IFT172: variants seen among roughly 807,000 people sequenced by gnomAD.
IFT172 encodes the protein intraflagellar transport protein 172 homolog.
Under a neutral mutation model 248.9 loss-of-function variants are expected in IFT172, and 164 were observed. The ratio of observed to expected loss-of-function variants is 0.66; its 90% CI spans 0.58 to 0.75. The LOEUF (loss-of-function observed/expected upper bound fraction) is 0.75. Among genes scored for constraint, IFT172 ranks in the 30% least tolerant of loss-of-function variants. The pLI, the probability that IFT172 is intolerant of heterozygous loss-of-function variation, is 0.00. For missense variants in IFT172, 1,950 were observed against 2,192.4 expected, an observed-to-expected ratio of 0.89 and a Z score of 2.21; for synonymous variants, 729 against 791.6, an observed-to-expected ratio of 0.92 and a Z score of 1.33.
intron 18 of IFT172, among the ~76,000 whole-genome samples, chr2:27,463,857 T>C (rs1037155694): frequency 2.0e-5 from 3 of 151,918 alleles, no homozygotes; most frequent in East Asian, 3.9e-4. Context: ...GCCAGTGTGG[T>C]TGGAGACTAA....
In IFT172 at chr2:27,484,392, C is replaced by G. The variant is rs890140309; in HGVS notation, c.297-126G>C. 5.0e-5 allele frequency: 45 copies of G among 898,718 alleles called. No homozygotes were observed. In the African/African-American group the frequency reaches 7.4e-4, roughly 15 times the overall value. 55.7% of individuals were successfully genotyped at this position (898,718 alleles called of 1,614,324 possible). On this transcript the variant is annotated intron_variant, in intron 3 of 47. Coordinates refer to ENST00000260570, the MANE Select transcript of IFT172 (RefSeq NM_015662.3). ...GGATCATGAGGTCAGGAGATCGAGACCATCCTGGCTAACACAGTGAAACCC... is the reference window on the plus strand; with the variant it reads ...GGATCATGAGGTCAGGAGATCGAGAGCATCCTGGCTAACACAGTGAAACCC...
intron 14 of IFT172, among the ~76,000 whole-genome samples, chr2:27,474,277 T>C (rs964536632): frequency 6.6e-6 from 1 of 152,178 alleles, no homozygotes; most frequent in African/African-American, 2.4e-5. Flanking sequence ...ATGTGAAATA[T>C]AATATTCATG....
At chr2:27,488,387 C>A (rs1263807891) in intron 1 of IFT172, among the ~76,000 whole-genome samples, 2 of 151,402 alleles carry the variant, frequency 1.3e-5, no homozygotes, top group Non-Finnish European at 2.9e-5. Flanking sequence ...CTCCTGACCT[C>A]AGGTGATCCG....
At chr2:27,484,882 A>G in intron 3 of IFT172, 136 bp downstream of exon 3, 1 of 652,354 alleles carries the variant, frequency 1.5e-6, no homozygotes, top group Non-Finnish European at 2.8e-6. Context: ...AAAAGCAAAA[A>G]CAGACTCCAG....
intron 19 of IFT172, 99 bp downstream of exon 19, chr2:27,462,998 G>A: frequency 7.1e-7 from 1 of 1,417,654 alleles, no homozygotes. Flanking sequence ...CAGGGTAAAG[G>A]AAACTGGGGA....
rs1572846688 is a variant in IFT172, at chr2:27,489,631, G to A, written c.23C>T (p.Thr8Ile). ...ATTCCTCACCTGAGGGCTCAGCAGG[G>A]TCCTCAGGTGCTTCAAGTGCATGAC... Reference protein sequence around the residue: MHLKHLRTLLSPQDGAAK... With the variant: MHLKHLRILLSPQDGAAK... The change falls in exon 1 of 48, where the codon ACC (threonine) becomes ATC (isoleucine). Residue 8 changes from threonine to isoleucine, a missense_variant. Physicochemically the swap from Thr to Ile is moderately conservative, Grantham distance 89. Transcript: ENST00000260570. 6.2e-7 allele frequency: 1 copy of A among 1,612,616 alleles called. No individual in the cohort carries two copies. The highest frequency in any genetic ancestry group is 1.3e-5 in the African/African-American group (1 of 74,900).
At chr2:27,472,452 G>A (rs1487706824) in intron 14 of IFT172, 90 bp from the exon 15 acceptor site, 4 of 965,410 alleles carry the variant, frequency 4.1e-6, no homozygotes, top group Non-Finnish European at 4.7e-6. Flanking sequence ...GGATGCCTAG[G>A]AAGCTAGGTC....
At chr2:27,450,417 G>A (rs1402392854) in intron 35 of IFT172, among the ~76,000 whole-genome samples, 1 of 152,154 alleles carries the variant, frequency 6.6e-6, no homozygotes, top group Non-Finnish European at 1.5e-5. Flanking sequence ...CTTCGTAGCA[G>A]AGTACAGAGA....
intron 30 of IFT172, chr2:27,455,641 G>T: frequency 4.7e-6 from 1 of 213,812 alleles, no homozygotes; most frequent in Non-Finnish European, 9.4e-6. Context: ...AACCTGGGAG[G>T]CGGAGCTTGC....
rs201356906 is a variant in IFT172, at chr2:27,447,903, C to T, written c.4448G>A (p.Arg1483Lys). The T allele has an allele frequency of 1.2e-5, 19 of 1,610,102 alleles. No homozygotes were observed. In the African/African-American group the frequency reaches 2.0e-4, roughly 17 times the overall value. ...ANPQNFNIYK[R>K]IFTDMVSSPG... ...AGAGCTCACCATGTCAGTGAAGATC[C>T]TTTTGTAGATATTGAAGTTCTAGAG... is the stretch of plus-strand genomic sequence containing the variant. The change falls in exon 41 of 48, where the codon AGG (arginine) becomes AAG (lysine). Residue 1483 changes from arginine (R) to lysine (K), a missense_variant. Physicochemically the swap from Arg to Lys is conservative, Grantham distance 26. Transcript: ENST00000260570.
At chr2:27,483,825 C>T (rs193165839) in intron 5 of IFT172, 47 bp downstream of exon 5, 1 of 1,523,856 alleles carries the variant, frequency 6.6e-7, no homozygotes, top group African/African-American at 1.4e-5. Context: ...TCTCCAGAAC[C>T]ATTATCCCTA....
intron 1 of IFT172, among the ~76,000 whole-genome samples, chr2:27,486,827 G>A (rs573528760): frequency 3.3e-5 from 5 of 152,160 alleles, no homozygotes; most frequent in Non-Finnish European, 5.9e-5. Context: ...CCATTAGGGC[G>A]GAGAAATTTT....
At chr2:27,485,946 T>C (rs756740321) in intron 1 of IFT172, among the ~76,000 whole-genome samples, 2 of 152,196 alleles carry the variant, frequency 1.3e-5, no homozygotes, top group African/African-American at 2.4e-5. Flanking sequence ...TCTAATAAGA[T>C]GGTGCAAAAT....
intron 35 of IFT172, chr2:27,452,987 G>A: frequency 2.9e-6 from 1 of 342,166 alleles, no homozygotes; most frequent in South Asian, 2.3e-5. Context: ...TCCCTGTCTG[G>A]CCAGTTCCTG....
chr2:27,451,348 A>C (rs1665655773), intron 35 of IFT172, among the ~76,000 whole-genome samples: 1 of 152,202 alleles, frequency 6.6e-6, no homozygotes. Context: ...CATGCTCCCA[A>C]GTTACATATA....
rs1320948238 is a variant in IFT172, at chr2:27,459,474, C to A, written c.2691G>T (p.Lys897Asn). ...IEAALGARQW[K>N]KAIYILDLQD... ...GTAGATCTAATATATAAATTGCCTTCTTCCACTGGCGGGCACCCAGGGCGG... is the reference window on the plus strand; with the variant it reads ...GTAGATCTAATATATAAATTGCCTTATTCCACTGGCGGGCACCCAGGGCGG... The change falls in exon 25 of 48, where the codon AAG becomes AAT. Residue 897 changes from lysine (K) to asparagine (N), a missense_variant. This residue lies in a region of IFT172 where 1,166 missense variants were observed against 1,254.1 expected (regional missense o/e 0.93). Transcript: ENST00000260570. The A allele has an allele frequency of 6.2e-7, 1 of 1,614,086 alleles. No homozygotes were observed. Among genetic ancestry groups the A allele is most frequent in the Non-Finnish European group, 8.5e-7 (1 of 1,180,040 alleles).
At chr2:27,464,947 AGT>A (rs1362473169) in intron 18 of IFT172, among the ~76,000 whole-genome samples, 1 of 140,924 alleles carries the variant, frequency 7.1e-6, no homozygotes, top group Non-Finnish European at 1.5e-5. Context: ...TTTGAGACAG[AGT>A]CTTGCTCTGT....
At position 27,454,770 on chromosome 2, in the gene IFT172, T is replaced by A; in HGVS notation, c.3372-110A>T. The A allele has an allele frequency of 2.2e-6, 2 of 901,088 alleles. No individual in the cohort carries two copies. Among genetic ancestry groups the A allele is most frequent in the Non-Finnish European group, 3.5e-6 (2 of 570,070 alleles). The allele number at this position is 901,088 out of a possible 1,614,324, so 55.8% of individuals were successfully genotyped here. On this transcript the variant is annotated intron_variant, in intron 30 of 47. Transcript: ENST00000260570. The surrounding 1 kb of genome is among the most constrained non-coding windows in gnomAD (Gnocchi z 4.2). Reference sequence around the variant, plus strand: ...TTGAGGGGAGAAAAAGTGACAGATTTAAGGATAACAAATATGAAGTGACAG... The same window carrying A: ...TTGAGGGGAGAAAAAGTGACAGATTAAAGGATAACAAATATGAAGTGACAG...
rs1665417083 is a variant in IFT172 at position 27,448,997 on chromosome 2, T to A, written c.4346A>T (p.Tyr1449Phe). 1 of 1,610,602 alleles carries A rather than the reference T, an allele frequency of 6.2e-7. No homozygotes were observed. Among genetic ancestry groups the A allele is most frequent in the African/African-American group, 1.3e-5 (1 of 74,962 alleles). Residue 1449 changes from tyrosine to phenylalanine, a missense_variant, in exon 40 of 48, where the codon TAT (tyrosine) becomes TTT (phenylalanine). Around this residue, in one of 3 missense-constraint regions of IFT172, gnomAD observed 620 missense variants for 699.0 expected, o/e 0.89. Coordinates refer to ENST00000260570, the MANE Select transcript of IFT172 (RefSeq NM_015662.3). ...YKILHKYVAL[Y>F]ATHLIREGSS... Reference sequence around the variant, plus strand: ...ACCCTCCCGGATCAAGTGAGTTGCATACAAAGCCACATACTTGTGCAGAAT... The same window carrying A: ...ACCCTCCCGGATCAAGTGAGTTGCAAACAAAGCCACATACTTGTGCAGAAT...
Sources: gnomAD v4.1 joint callset for allele counts (sites outside exome capture counted in the v4.1 genomes callset) on GRCh38, gnomAD v4.1.1 for gene constraint, gnomAD v4.1.1 regional missense constraint, Gnocchi (gnomAD v3.1) non-coding constraint, MANE v1.5 for transcripts, NCBI Gene and HGNC (gene_info 2026-07-23, HGNC 2026-07-21) for gene names.